The following SLC35D1 variants were observed in gnomAD, a reference collection of about 807,000 sequenced individuals.
The protein encoded by SLC35D1 is solute carrier family 35 member D1.
A neutral mutation model predicts 46.7 loss-of-function variants in SLC35D1; 31 were observed. The observed-to-expected ratio is 0.66, with a 90% CI of 0.50 to 0.90. The LOEUF (loss-of-function observed/expected upper bound fraction) is 0.90. Ranked by LOEUF, SLC35D1 falls within the 40% of genes least tolerant of loss-of-function variation. The probability of loss-of-function intolerance (pLI) is 0.00; values close to 1 mark genes in which losing one functional copy is unlikely to be tolerated. For synonymous variants in SLC35D1, 195 were observed against 164.6 expected (o/e 1.18, Z -1.41); for missense variants, 397 against 426.2 (o/e 0.93, Z 0.60).
At chr1:67,028,052 T>G (rs1431497771) in intron 8 of SLC35D1, among the ~76,000 whole-genome samples, 6 of 151,574 alleles carry the variant, frequency 4.0e-5, no homozygotes, top group Non-Finnish European at 8.8e-5. Context: ...GCTTTGATTT[T>G]CATTGTTCAA....
chr1:67,004,296 G>T lies in SLC35D1; in HGVS notation c.*44C>A. The T allele has an allele frequency of 1.3e-6, 2 of 1,533,086 alleles. No individual in the cohort carries two copies. The highest frequency in any genetic ancestry group is 1.1e-5 in the South Asian group (1 of 89,372). 95.0% of individuals were successfully genotyped at this position (1,533,086 alleles called of 1,614,324 possible). A position where few individuals can be genotyped will look rare whatever the true frequency, so the allele number is the denominator to read the frequency against. ...GTAGGAACTGCCAGTGTTCTGAGTT[G>T]ATTAAAAACTTAGGCCTACGTATCA... is the stretch of plus-strand genomic sequence containing the variant. On this transcript the variant is annotated 3_prime_UTR_variant, in exon 12 of 12. Coordinates refer to ENST00000235345, the MANE Select transcript of SLC35D1 (RefSeq NM_015139.3).
chr1:66,998,350 G>A (rs912646272), downstream of SLC35D1, among the ~76,000 whole-genome samples: 9 of 152,052 alleles, frequency 5.9e-5, no homozygotes, highest in African/African-American at 1.2e-4. Flanking sequence ...TTAGATGGGC[G>A]TGGTGGTGCA....
chr1:67,026,213 TAC>T (rs1667911141), intron 8 of SLC35D1, among the ~76,000 whole-genome samples: 1 of 152,206 alleles, frequency 6.6e-6, no homozygotes, highest in Non-Finnish European at 1.5e-5. Context: ...TTGAGAATTT[TAC>T]ACTCATGAGT....
rs78699338 is a variant in SLC35D1 at position 67,034,907 on chromosome 1, T to A, written c.729+7329A>T. Among the ~76,000 whole-genome samples the A allele has an allele frequency of 0.024, 3,642 of 152,276 alleles. 269 individuals carry two copies. In the East Asian group the frequency reaches 0.27, roughly 11 times the overall value. ...ATTTTATCAAATGTTTTTTCCACCA[T>A]CAATCAATCGAAATGATCATTTGGT... On this transcript the variant is annotated intron_variant, in intron 8 of 11. Transcript: ENST00000235345.
intron 7 of SLC35D1, among the ~76,000 whole-genome samples, chr1:67,043,670 G>A (rs1285743961): frequency 6.6e-6 from 1 of 152,258 alleles, no homozygotes. Flanking sequence ...TTCCGAAAAC[G>A]TGTACATGAA....
chr1:67,026,271 A>G (rs2102297130), intron 8 of SLC35D1, among the ~76,000 whole-genome samples: 1 of 152,338 alleles, frequency 6.6e-6, no homozygotes, highest in East Asian at 1.9e-4. Flanking sequence ...TATTTAGGAT[A>G]GTTCTACTAT....
rs6660202 is a variant in SLC35D1, at chr1:67,053,739, G to A, written c.203+72C>T. 0.044 allele frequency: 59,207 copies of A among 1,342,098 alleles called. 1,406 individuals are homozygous for A. The highest frequency in any genetic ancestry group is 0.071 in the Admixed American group (1,895 of 26,772). 83.1% of individuals were successfully genotyped at this position (1,342,098 alleles called of 1,614,324 possible). ...TTTAACTTTGGCAGTCAAAGTCCAG[G>A]GAGCCGGCGCCGCGCCGCCGCCGCC... On this transcript the variant is annotated intron_variant, in intron 1 of 11. Coordinates refer to ENST00000235345, the MANE Select transcript of SLC35D1 (RefSeq NM_015139.3).
intron 8 of SLC35D1, among the ~76,000 whole-genome samples, chr1:67,039,451 T>A (rs1668193921): frequency 6.6e-6 from 1 of 151,990 alleles, no homozygotes; most frequent in African/African-American, 2.4e-5. Flanking sequence ...TTTATTAGTT[T>A]CATGTATATT....
the SLC35D1 span, chr1:66,984,941 G>A: frequency 6.6e-7 from 1 of 1,525,560 alleles, no homozygotes; most frequent in African/African-American, 1.4e-5. Flanking sequence ...AAATTCTGGT[G>A]TGACTAAAAT....
At chr1:67,029,186 G>A (rs1333065390) in intron 8 of SLC35D1, among the ~76,000 whole-genome samples, 1 of 152,122 alleles carries the variant, frequency 6.6e-6, no homozygotes, top group Non-Finnish European at 1.5e-5. Flanking sequence ...CTCAAGAGAA[G>A]ACTAAATGCT....
At chr1:67,050,893 G>C (rs140058268) in intron 4 of SLC35D1, among the ~76,000 whole-genome samples, 1,579 of 152,160 alleles carry the variant, frequency 0.01, 27 homozygotes, top group African/African-American at 0.036. Flanking sequence ...TGCCTTGACT[G>C]TCCTTTTGTG....
At chr1:66,980,447 A>C in the SLC35D1 span, among the ~76,000 whole-genome samples, 1 of 152,230 alleles carries the variant, frequency 6.6e-6, no homozygotes, top group African/African-American at 2.4e-5. Context: ...TCTTGAAGTC[A>C]GGTATCACAT....
chr1:67,033,089 G>T (rs756255589), intron 8 of SLC35D1, among the ~76,000 whole-genome samples: 2 of 151,778 alleles, frequency 1.3e-5, no homozygotes, highest in Non-Finnish European at 2.9e-5. Context: ...TTTTTTTTAT[G>T]GCTGAATTGT....
At chr1:67,016,899 C>CT (rs1230311262) in intron 10 of SLC35D1, among the ~76,000 whole-genome samples, 3 of 152,062 alleles carry the variant, frequency 2.0e-5, no homozygotes, top group Non-Finnish European at 4.4e-5. Flanking sequence ...TAAAAAGACC[C>CT]TTGTCTACAC....
chr1:66,986,432 T>C, the SLC35D1 span: 1 of 1,613,260 alleles, frequency 6.2e-7, no homozygotes, highest in Non-Finnish European at 8.5e-7. Context: ...TCCAGTTCAT[T>C]TTTCAGCCAT....
chr1:66,974,343 G>A, the SLC35D1 span, among the ~76,000 whole-genome samples: 39 of 151,996 alleles, frequency 2.6e-4, no homozygotes, highest in African/African-American at 8.9e-4. Flanking sequence ...AGTGCATTAT[G>A]TGACTGGCCG....
At chr1:67,025,581 A>T (rs1074265) in intron 8 of SLC35D1, among the ~76,000 whole-genome samples, 29,555 of 152,148 alleles carry the variant, frequency 0.19, 5,338 homozygotes, top group African/African-American at 0.49. Flanking sequence ...ACATAAATTT[A>T]AAAATCTGCT....
At chr1:67,042,451 A>T in intron 7 of SLC35D1, 123 bp from the exon 8 acceptor site, 1 of 834,622 alleles carries the variant, frequency 1.2e-6, no homozygotes, top group Non-Finnish European at 2.1e-6. Flanking sequence ...TACAACATAC[A>T]CAGCAAATGA....
At chr1:67,014,941 A>G (rs2102259982) in intron 10 of SLC35D1, among the ~76,000 whole-genome samples, 1 of 151,486 alleles carries the variant, frequency 6.6e-6, no homozygotes, top group Non-Finnish European at 1.5e-5. Flanking sequence ...CATTGTGTTC[A>G]CAGCTCTATT....
Sources: allele counts gnomAD v4.1 joint callset (sites outside exome capture counted in the v4.1 genomes callset), GRCh38; gene constraint gnomAD v4.1.1; transcripts MANE v1.5; gene names NCBI Gene and HGNC (gene_info 2026-07-23, HGNC 2026-07-21).